Variants in PCP4L1 observed in about 807,000 individuals in gnomAD.
PCP4L1 encodes the protein Purkinje cell protein 4-like protein 1.
A neutral mutation model predicts 9.6 loss-of-function variants in PCP4L1; 9 were observed. The ratio of observed to expected loss-of-function variants is 0.94; its 90% CI spans 0.57 to 1.64. PCP4L1 has a LOEUF of 1.64. Among genes scored for constraint, PCP4L1 ranks in the 40% most tolerant of loss-of-function variants. The probability of loss-of-function intolerance (pLI) is 0.00; values close to 1 mark genes in which losing one functional copy is unlikely to be tolerated. For missense variants in PCP4L1, 81 were observed against 80.8 expected, an observed-to-expected ratio of 1.00 and a Z score of -0.01; for synonymous variants, 31 against 28.2, an observed-to-expected ratio of 1.10 and a Z score of -0.31.
chr1:161,269,100 G>T (rs1669581716), intron 1 of PCP4L1, among the ~76,000 whole-genome samples: 1 of 151,980 alleles, frequency 6.6e-6, no homozygotes, highest in African/African-American at 2.4e-5. Flanking sequence ...TCTATGTAAT[G>T]GTAAGGCCTA....
At chr1:161,271,951 G>A (rs1273983623) in intron 1 of PCP4L1, among the ~76,000 whole-genome samples, 3 of 151,510 alleles carry the variant, frequency 2.0e-5, no homozygotes, top group African/African-American at 7.3e-5. Context: ...GGGACTACAG[G>A]TGCATGTCAC....
intron 1 of PCP4L1, among the ~76,000 whole-genome samples, chr1:161,270,686 A>G (rs989752902): frequency 6.6e-6 from 1 of 152,076 alleles, no homozygotes; most frequent in African/African-American, 2.4e-5. Flanking sequence ...ATCCTGGCCA[A>G]CATGGTGAAA....
intron 1 of PCP4L1, among the ~76,000 whole-genome samples, chr1:161,271,723 C>T (rs902207293): frequency 1.3e-5 from 2 of 152,122 alleles, no homozygotes; most frequent in African/African-American, 4.8e-5. Context: ...AGGCTGGTCT[C>T]CAATGCCTGA....
chr1:161,284,028 G>A (rs888822801), intron 2 of PCP4L1, among the ~76,000 whole-genome samples: 1 of 152,168 alleles, frequency 6.6e-6, no homozygotes, highest in Non-Finnish European at 1.5e-5. Flanking sequence ...CAGAAACTGA[G>A]AGAAAGCTGA....
At chr1:161,281,763 CAGAGG>C (rs1669813449) in intron 1 of PCP4L1, among the ~76,000 whole-genome samples, 1 of 28,306 alleles carries the variant, frequency 3.5e-5, no homozygotes, top group African/African-American at 3.8e-4. Context: ...CACGGCCGGG[CAGAGG>C]CGCTCCTCAC....
intron 2 of PCP4L1, among the ~76,000 whole-genome samples, chr1:161,283,984 A>G (rs1296026795): frequency 6.6e-6 from 1 of 152,224 alleles, no homozygotes; most frequent in Non-Finnish European, 1.5e-5. Context: ...CAAGATAAGA[A>G]GAAACTCATC....
intron 1 of PCP4L1, among the ~76,000 whole-genome samples, chr1:161,263,329 C>A (rs1010234606): frequency 6.6e-6 from 1 of 152,152 alleles, no homozygotes; most frequent in East Asian, 1.9e-4. Context: ...CCTCCACCTC[C>A]GGGGTTCATG....
intron 1 of PCP4L1, among the ~76,000 whole-genome samples, chr1:161,259,286 C>T (rs754382920): frequency 6.6e-6 from 1 of 152,096 alleles, no homozygotes; most frequent in Non-Finnish European, 1.5e-5. Context: ...GGATACTGCC[C>T]CCTGCATCTG....
chr1:161,269,786 T>G (rs918936811), intron 1 of PCP4L1, among the ~76,000 whole-genome samples: 2 of 151,938 alleles, frequency 1.3e-5, no homozygotes, highest in Non-Finnish European at 2.9e-5. Flanking sequence ...ACTGCCTGAG[T>G]CCAGGAGTTT....
chr1:161,284,804 T>C lies in PCP4L1; in HGVS notation c.*323T>C, dbSNP rs1669880801. The C allele has an allele frequency of 3.2e-6, 1 of 308,620 alleles. No homozygotes were observed. Among genetic ancestry groups the C allele is most frequent in the Non-Finnish European group, 6.0e-6 (1 of 165,524 alleles). 19.1% of individuals were successfully genotyped at this position (308,620 alleles called of 1,614,324 possible). A position where few individuals can be genotyped will look rare whatever the true frequency, so the allele number is the denominator to read the frequency against. On this transcript the variant is annotated 3_prime_UTR_variant, in exon 3 of 3. Transcript: ENST00000504449. ...GCTGAGAGATCTCCCCAAAGAACAATGTGGGAAGGAGGGGAAGGCTTTCAG... is the reference window on the plus strand; with the variant it reads ...GCTGAGAGATCTCCCCAAAGAACAACGTGGGAAGGAGGGGAAGGCTTTCAG...
intron 1 of PCP4L1, among the ~76,000 whole-genome samples, chr1:161,276,657 G>C (rs1669702322): frequency 6.7e-6 from 1 of 149,686 alleles, no homozygotes; most frequent in African/African-American, 2.5e-5. Context: ...CTCCAGCCTG[G>C]GTGACAAAGC....
intron 1 of PCP4L1, among the ~76,000 whole-genome samples, chr1:161,275,470 C>T (rs950778668): frequency 6.9e-6 from 1 of 144,848 alleles, no homozygotes; most frequent in Non-Finnish European, 1.5e-5. Context: ...GGGCCGAGAT[C>T]GCGCCACTGC....
rs1669872543 is a variant in PCP4L1, at chr1:161,284,391, T to G, written c.117T>G (p.Asp39Glu). The part of the protein sequence containing the change: ...KAEEEEEIDI[D>E]LTAPETEKAA... ...AGGAGGAGGAGGAGATTGACATTGA[T>G]CTGACAGCACCAGAAACAGAGAAGG... is the stretch of plus-strand genomic sequence containing the variant. Residue 39 changes from aspartate to glutamate, a missense_variant, in exon 3 of 3, where the codon GAT becomes GAG. Transcript: ENST00000504449. 6.2e-7 allele frequency: 1 copy of G among 1,613,864 alleles called. No individual in the cohort carries two copies. Among genetic ancestry groups the G allele is most frequent in the Non-Finnish European group, 8.5e-7 (1 of 1,179,882 alleles).
chr1:161,282,377 G>C lies in PCP4L1; in HGVS notation c.10-1291G>C, dbSNP rs542979614. On this transcript the variant is annotated intron_variant, in intron 1 of 2. Transcript: ENST00000504449. ...AGCTGGGCATCAGAGGGAGAGCGTG[G>C]AAAGAGAGGGAGAGGGAGACCGTGG... Among the ~76,000 whole-genome samples the C allele has an allele frequency of 3.4e-4, 45 of 132,802 alleles. 1 individual carries two copies. In the East Asian group the frequency reaches 0.013, roughly 39 times the overall value. 87.1% of individuals were successfully genotyped at this position (132,802 alleles called of 152,430 possible). A position where few individuals can be genotyped will look rare whatever the true frequency, so the allele number is the denominator to read the frequency against.
chr1:161,264,333 A>G (rs915807141), intron 1 of PCP4L1, among the ~76,000 whole-genome samples: 1 of 151,950 alleles, frequency 6.6e-6, no homozygotes, highest in East Asian at 2.0e-4. Context: ...CCTGGCCAAC[A>G]TGGTGAAACC....
intron 1 of PCP4L1, among the ~76,000 whole-genome samples, chr1:161,268,669 C>T (rs147173901): frequency 0.056 from 8,398 of 149,846 alleles, 325 homozygotes; most frequent in Middle Eastern, 0.082. Context: ...CCTGCTTCAG[C>T]CTCCCAGATA....
chr1:161,258,797 C>G lies in PCP4L1; in HGVS notation c.-178C>G. 1 of 1,021,040 alleles carries G rather than the reference C, an allele frequency of 9.8e-7. No individual in the cohort carries two copies. The highest frequency in any genetic ancestry group is 1.5e-5 in the South Asian group (1 of 68,730). The allele number at this position is 1,021,040 out of a possible 1,614,324, so 63.2% of individuals were successfully genotyped here. Reference sequence around the variant, plus strand: ...GGGGTCGCCTGGCCGGAGCTGGGCTCCGAGAATCCCGGGTGCCAGCACCAG... The same window carrying G: ...GGGGTCGCCTGGCCGGAGCTGGGCTGCGAGAATCCCGGGTGCCAGCACCAG... On this transcript the variant is annotated 5_prime_UTR_variant, in exon 1 of 3. Transcript: ENST00000504449.
intron 1 of PCP4L1, among the ~76,000 whole-genome samples, chr1:161,282,103 C>T (rs1669829458): frequency 6.6e-6 from 1 of 152,176 alleles, no homozygotes; most frequent in Non-Finnish European, 1.5e-5. Flanking sequence ...CACCATTGAG[C>T]ACTGAGTGAA....
intron 1 of PCP4L1, among the ~76,000 whole-genome samples, chr1:161,265,106 A>G (rs1465791758): frequency 1.3e-5 from 2 of 152,168 alleles, no homozygotes; most frequent in Non-Finnish European, 2.9e-5. Context: ...TTCATCATTG[A>G]TTCCCATAAT....
Sources: gnomAD v4.1 joint callset for allele counts (sites outside exome capture counted in the v4.1 genomes callset) on GRCh38, gnomAD v4.1.1 for gene constraint, MANE v1.5 for transcripts, NCBI Gene and HGNC (gene_info 2026-07-23, HGNC 2026-07-21) for gene names.